The following CNTN6 variants were observed in gnomAD, a reference collection of about 807,000 sequenced individuals.
The protein encoded by CNTN6 is contactin 6, also known as contactin-6.
Under a neutral mutation model 122.8 loss-of-function variants are expected in CNTN6, and 137 were observed. That is an observed-to-expected ratio of 1.12 (90% CI 0.97 to 1.29). The LOEUF (loss-of-function observed/expected upper bound fraction) is 1.29. Among genes scored for constraint, CNTN6 ranks in the 50% most tolerant of loss-of-function variants. CNTN6 has a pLI of 0.00. For missense variants in CNTN6, 1,634 were observed against 1,223.4 expected, an observed-to-expected ratio of 1.34 and a Z score of -5.01; for synonymous variants, 570 against 426.0, an observed-to-expected ratio of 1.34 and a Z score of -4.16.
intron 2 of CNTN6, among the ~76,000 whole-genome samples, chr3:1,206,528 T>C (rs2125453174): frequency 6.6e-6 from 1 of 152,282 alleles, no homozygotes. Flanking sequence ...AACTGCATCA[T>C]GCCCAGAATC....
At chr3:1,134,943 T>C (rs1168409642) in intron 1 of CNTN6, among the ~76,000 whole-genome samples, 2 of 152,054 alleles carry the variant, frequency 1.3e-5, no homozygotes, top group African/African-American at 4.8e-5. Flanking sequence ...ATGAGGTCAG[T>C]GGGTGAATTT....
chr3:1,116,705 T>A (rs2091733221), intron 1 of CNTN6, among the ~76,000 whole-genome samples: 1 of 145,534 alleles, frequency 6.9e-6, no homozygotes, highest in Non-Finnish European at 1.5e-5. Flanking sequence ...AATCTTTTTT[T>A]TTTTTTTTTT....
At chr3:1,322,964 G>A (rs749665484) in intron 8 of CNTN6, among the ~76,000 whole-genome samples, 6 of 151,614 alleles carry the variant, frequency 4.0e-5, no homozygotes, top group South Asian at 4.1e-4. Context: ...ACAAATGGGA[G>A]TTTTAGTAGA....
At chr3:1,165,565 A>AC (rs959439639) in intron 2 of CNTN6, among the ~76,000 whole-genome samples, 1 of 151,884 alleles carries the variant, frequency 6.6e-6, no homozygotes, top group South Asian at 2.1e-4. Flanking sequence ...TGAGTGCATC[A>AC]CCCCCACTAC....
chr3:1,241,887 C>T (rs1309535687), intron 4 of CNTN6, among the ~76,000 whole-genome samples: 6 of 152,324 alleles, frequency 3.9e-5, no homozygotes, highest in South Asian at 4.1e-4. Context: ...CAGCAGCAGC[C>T]GCTGCACGCA....
intron 8 of CNTN6, among the ~76,000 whole-genome samples, chr3:1,322,300 A>T (rs893267027): frequency 6.7e-6 from 1 of 148,424 alleles, no homozygotes; most frequent in African/African-American, 2.6e-5. Flanking sequence ...ATATAAAAAG[A>T]AGGCAATTAC....
At chr3:1,277,418 G>A (rs1174387657) in intron 4 of CNTN6, among the ~76,000 whole-genome samples, 6 of 123,446 alleles carry the variant, frequency 4.9e-5, no homozygotes, top group African/African-American at 1.9e-4. Flanking sequence ...GGAGTACAGT[G>A]GCGCAATCTC....
chr3:1,119,322 C>CGTGTGTGTGT lies in CNTN6; in HGVS notation c.-83+26224_-83+26233dup, dbSNP rs369235352. 2.9e-3 allele frequency among the ~76,000 whole-genome samples: 373 copies of CGTGTGTGTGT among 126,542 alleles called. 5 individuals are homozygous for CGTGTGTGTGT. Among genetic ancestry groups the CGTGTGTGTGT allele is most frequent in the African/African-American group, 6.3e-3 (207 of 32,610 alleles). 83.0% of individuals were successfully genotyped at this position (126,542 alleles called of 152,430 possible). On this transcript the variant is annotated intron_variant, in intron 1 of 22. Coordinates refer to ENST00000446702, the MANE Select transcript of CNTN6 (RefSeq NM_001289080.2). The stretch of plus-strand genomic sequence containing the variant: ...ATTTGAGAAAGAATAACAGAAAAAT[C>CGTGTGTGTGT]GTGTGTGTGTGTGTGTGTGTGTGTG...
intron 4 of CNTN6, among the ~76,000 whole-genome samples, chr3:1,235,147 G>C (rs527554999): frequency 5.3e-4 from 81 of 152,186 alleles, no homozygotes; most frequent in African/African-American, 1.8e-3. Flanking sequence ...TATTCAGCAG[G>C]AGCTAGTCTT....
chr3:1,202,305 C>T (rs1267626196), intron 2 of CNTN6, among the ~76,000 whole-genome samples: 2 of 152,198 alleles, frequency 1.3e-5, no homozygotes, highest in Admixed American at 6.5e-5. Flanking sequence ...CTTCGGAAGG[C>T]CGAGGCGGGC....
chr3:1,123,420 TG>T (rs1250382471), intron 1 of CNTN6, among the ~76,000 whole-genome samples: 11 of 151,214 alleles, frequency 7.3e-5, no homozygotes, highest in Middle Eastern at 3.4e-3. Flanking sequence ...TATACGTTGA[TG>T]TTTTTTTCTT....
At position 1,334,134 on chromosome 3, in the gene CNTN6, G is replaced by A. The variant is rs150335856; in HGVS notation, c.1364+4199G>A. Among the ~76,000 whole-genome samples the A allele has an allele frequency of 4.1e-3, 631 of 152,252 alleles. 2 individuals are homozygous for A. The highest frequency in any genetic ancestry group is 6.6e-3 in the Non-Finnish European group (450 of 68,008). ...TTTCTCGAACCAAAAATAGGTAGAT[G>A]GCATTACAGAGTCCGAAGACTGCCT... On this transcript the variant is annotated intron_variant, in intron 11 of 22. Transcript: ENST00000446702.
At chr3:1,338,356 A>G (rs946326188) in intron 11 of CNTN6, among the ~76,000 whole-genome samples, 6 of 152,090 alleles carry the variant, frequency 3.9e-5, no homozygotes, top group Non-Finnish European at 7.4e-5. Context: ...CATGCCCATG[A>G]TTTTGATTTA....
chr3:1,301,279 C>A (rs1282618634), intron 7 of CNTN6, among the ~76,000 whole-genome samples: 1 of 152,064 alleles, frequency 6.6e-6, no homozygotes, highest in Non-Finnish European at 1.5e-5. Context: ...TCCTGCTCCA[C>A]CCATCTTGGC....
At chr3:1,334,511 A>G (rs987965) in intron 11 of CNTN6, among the ~76,000 whole-genome samples, 29,232 of 152,078 alleles carry the variant, frequency 0.19, 3,633 homozygotes, top group East Asian at 0.56. Context: ...TTAGAAATCA[A>G]TAGAGAACCT....
At chr3:1,193,035 T>C (rs1364089813) in intron 2 of CNTN6, among the ~76,000 whole-genome samples, 1 of 152,190 alleles carries the variant, frequency 6.6e-6, no homozygotes, top group Non-Finnish European at 1.5e-5. Flanking sequence ...TTGTATGTTA[T>C]ATGTACATTA....
At chr3:1,289,089 T>C (rs1221142868) in intron 5 of CNTN6, among the ~76,000 whole-genome samples, 5 of 152,210 alleles carry the variant, frequency 3.3e-5, no homozygotes, top group Non-Finnish European at 7.3e-5. Flanking sequence ...TATTTAAAAA[T>C]TCAATGGTTT....
intron 1 of CNTN6, among the ~76,000 whole-genome samples, 156 bp from the exon 2 acceptor site, chr3:1,147,771 G>A (rs3772375): frequency 0.42 from 63,980 of 151,792 alleles, 13,775 homozygotes; most frequent in South Asian, 0.61. Flanking sequence ...ACTGGAACTC[G>A]CAGAACAAAT....
At chr3:1,122,755 T>C (rs1488052842) in intron 1 of CNTN6, among the ~76,000 whole-genome samples, 1 of 151,918 alleles carries the variant, frequency 6.6e-6, no homozygotes, top group Non-Finnish European at 1.5e-5. Context: ...TCAAGGTTTA[T>C]CTACGTTTCG....
Sources: allele counts gnomAD v4.1 joint callset (sites outside exome capture counted in the v4.1 genomes callset), GRCh38; gene constraint gnomAD v4.1.1; transcripts MANE v1.5; gene names NCBI Gene and HGNC (gene_info 2026-07-23, HGNC 2026-07-21).